ICA1: variants seen among roughly 807,000 people sequenced by gnomAD.
ICA1 encodes 69 kDa islet cell autoantigen.
In ICA1, 40 loss-of-function variants were observed where a neutral mutation model predicts 71.0. The observed-to-expected ratio is 0.56, with a 90% CI of 0.44 to 0.73. The LOEUF (loss-of-function observed/expected upper bound fraction) is 0.73, where lower values mean the gene tolerates loss of function less well. Among genes scored for constraint, ICA1 ranks in the 30% least tolerant of loss-of-function variants. The probability of loss-of-function intolerance (pLI) is 0.00; values close to 1 mark genes in which losing one functional copy is unlikely to be tolerated. For missense variants in ICA1, 578 were observed against 576.5 expected (o/e 1.00, Z -0.03); for synonymous variants, 207 against 209.5 (o/e 0.99, Z 0.10).
intron 1 of ICA1, among the ~76,000 whole-genome samples, chr7:8,250,232 T>C (rs1478172334): frequency 6.6e-6 from 1 of 152,244 alleles, no homozygotes; most frequent in East Asian, 1.9e-4. Flanking sequence ...ATTTTTACAA[T>C]TTCTTATGGA....
intron 6 of ICA1, among the ~76,000 whole-genome samples, chr7:8,178,921 C>T (rs1584947626): frequency 6.6e-6 from 1 of 152,138 alleles, no homozygotes; most frequent in African/African-American, 2.4e-5. Flanking sequence ...GCTTTCCACC[C>T]AAATCCATCT....
intron 1 of ICA1, among the ~76,000 whole-genome samples, chr7:8,261,256 AG>A (rs1368405581): frequency 6.6e-6 from 1 of 152,226 alleles, no homozygotes; most frequent in Admixed American, 6.5e-5. Flanking sequence ...GATACTTTTA[AG>A]ACCCCAAAGA....
chr7:8,119,512 T>C (rs1040312565), intron 13 of ICA1, among the ~76,000 whole-genome samples: 1 of 152,230 alleles, frequency 6.6e-6, no homozygotes, highest in African/African-American at 2.4e-5. Context: ...CTTGGAAAGC[T>C]ATAAATAAGT....
intron 6 of ICA1, among the ~76,000 whole-genome samples, chr7:8,213,831 TA>T: frequency 6.6e-6 from 1 of 152,172 alleles, no homozygotes; most frequent in Non-Finnish European, 1.5e-5. Context: ...CATTTGTTAA[TA>T]AACCTTCTCA....
chr7:8,206,065 A>C (rs936741259), intron 6 of ICA1, among the ~76,000 whole-genome samples: 1 of 152,132 alleles, frequency 6.6e-6, no homozygotes, highest in Non-Finnish European at 1.5e-5. Flanking sequence ...CTGATGCTAA[A>C]CATAGAACAT....
chr7:8,152,936 C>G (rs1800075052), intron 8 of ICA1, among the ~76,000 whole-genome samples: 1 of 152,096 alleles, frequency 6.6e-6, no homozygotes. Flanking sequence ...CCACTACCAC[C>G]ATCACCTCTT....
intron 6 of ICA1, among the ~76,000 whole-genome samples, chr7:8,206,595 G>T (rs865892821): frequency 1.2e-4 from 18 of 151,870 alleles, no homozygotes; most frequent in Admixed American, 4.6e-4. Flanking sequence ...CATTTGAGAG[G>T]CAGGAAAAGG....
chr7:8,130,048 G>A lies in ICA1; in HGVS notation c.1061-1906C>T, dbSNP rs1269666561. On this transcript the variant is annotated intron_variant, in intron 12 of 13. Coordinates refer to ENST00000402384, the MANE Select transcript of ICA1 (RefSeq NM_001136020.3). This position sits in a 1 kb window ranked among gnomAD's most constrained non-coding sequence, Gnocchi z 4.2. ...AGGACATGAACTCATCCTTTTTTATGGCTGCATAGTATTCCATGGTGTATA... is the reference window on the plus strand; with the variant it reads ...AGGACATGAACTCATCCTTTTTTATAGCTGCATAGTATTCCATGGTGTATA... Among the ~76,000 whole-genome samples the A allele has an allele frequency of 6.6e-6, 1 of 151,910 alleles. No homozygotes were observed. The highest frequency in any genetic ancestry group is 1.9e-4 in the East Asian group (1 of 5,188).
chr7:8,245,312 AG>A (rs1324483942), intron 1 of ICA1, among the ~76,000 whole-genome samples: 1 of 150,842 alleles, frequency 6.6e-6, no homozygotes, highest in African/African-American at 2.4e-5. Flanking sequence ...TCACAAGGAC[AG>A]AAATCCAAGC....
chr7:8,189,528 G>GA (rs1784897774), intron 6 of ICA1, among the ~76,000 whole-genome samples: 1 of 152,214 alleles, frequency 6.6e-6, no homozygotes, highest in Non-Finnish European at 1.5e-5. Context: ...TATTGGGAAT[G>GA]CAGAATACAT....
chr7:8,229,759 T>G (rs1217083024), intron 3 of ICA1, among the ~76,000 whole-genome samples: 1 of 152,198 alleles, frequency 6.6e-6, no homozygotes, highest in East Asian at 1.9e-4. Context: ...ATAAAGAATA[T>G]AAATTTGCTA....
At chr7:8,143,828 C>G in intron 9 of ICA1, 47 bp downstream of exon 9, 1 of 1,249,314 alleles carries the variant, frequency 8.0e-7, no homozygotes, top group Non-Finnish European at 1.2e-6. Flanking sequence ...CCACATAACT[C>G]TCACCTGTGG....
chr7:8,191,115 T>C (rs1166761494), intron 6 of ICA1, among the ~76,000 whole-genome samples: 2 of 152,202 alleles, frequency 1.3e-5, no homozygotes, highest in Admixed American at 6.5e-5. Flanking sequence ...CCCTCCACTT[T>C]ATACGAGAGT....
intron 6 of ICA1, among the ~76,000 whole-genome samples, chr7:8,210,959 G>A (rs1442707752): frequency 6.6e-6 from 1 of 152,172 alleles, no homozygotes; most frequent in Non-Finnish European, 1.5e-5. Flanking sequence ...GGGTTGGCGG[G>A]ACTCCTGAGA....
chr7:8,159,931 G>A (rs1004252231), intron 6 of ICA1, among the ~76,000 whole-genome samples: 7 of 152,026 alleles, frequency 4.6e-5, no homozygotes, highest in Admixed American at 1.3e-4. Context: ...TCAGATCATC[G>A]TAAAGTTATA....
intron 6 of ICA1, among the ~76,000 whole-genome samples, chr7:8,183,536 G>C (rs1782920657): frequency 6.6e-6 from 1 of 152,208 alleles, no homozygotes; most frequent in African/African-American, 2.4e-5. Context: ...TAATGTGGTG[G>C]AGTAGAAAGG....
intron 3 of ICA1, 138 bp from the exon 4 acceptor site, chr7:8,228,811 G>A: frequency 6.1e-6 from 3 of 489,484 alleles, no homozygotes; most frequent in Non-Finnish European, 1.1e-5. Flanking sequence ...GTTATGCGGT[G>A]TACTATACAG....
Position 8,138,879 on chromosome 7 carries a change from G to T in ICA1, c.1021C>A (p.Pro341Thr). 6.2e-7 allele frequency: 1 copy of T among 1,604,708 alleles called. No homozygotes were observed. Among genetic ancestry groups the T allele is most frequent in the East Asian group, 2.2e-5 (1 of 44,790 alleles). The stretch of plus-strand genomic sequence containing the variant: ...TTCATGTCTAATAGTTCATCTATGG[G>T]TCCTTTAGAGAAGAGGAAAGAAAAC... ...KGSTHTACSG[P>T]IDELLDMKSE... Residue 341 changes from proline to threonine, a missense_variant and splice_region_variant, in exon 12 of 14, where the codon CCC (proline) becomes ACC (threonine). Physicochemically the swap from Pro to Thr is conservative, Grantham distance 38. Coordinates refer to ENST00000402384, the MANE Select transcript of ICA1 (RefSeq NM_001136020.3).
chr7:8,198,680 T>A (rs1368499807), intron 6 of ICA1, among the ~76,000 whole-genome samples: 1 of 152,168 alleles, frequency 6.6e-6, no homozygotes, highest in East Asian at 1.9e-4. Flanking sequence ...GGTCAAAATA[T>A]GCTAATCTGA....
Sources: gnomAD v4.1 joint callset for allele counts (sites outside exome capture counted in the v4.1 genomes callset) on GRCh38, gnomAD v4.1.1 for gene constraint, Gnocchi (gnomAD v3.1) non-coding constraint, MANE v1.5 for transcripts, NCBI Gene and HGNC (gene_info 2026-07-23, HGNC 2026-07-21) for gene names.